The following ANKRD9 variants were observed in gnomAD, a reference collection of about 807,000 sequenced individuals.
ANKRD9 encodes ankyrin repeat domain-containing protein 9.
ANKRD9 carries 13 observed loss-of-function variants against 19.2 expected under a neutral mutation model. That is an observed-to-expected ratio of 0.68 (90% CI 0.44 to 1.08). The LOEUF is 1.08. Among genes scored for constraint, ANKRD9 ranks in the 50% least tolerant of loss-of-function variants. The pLI is 0.00. For missense variants in ANKRD9, 518 were observed against 499.9 expected, an observed-to-expected ratio of 1.04 and a Z score of -0.34; for synonymous variants, 278 against 256.8, an observed-to-expected ratio of 1.08 and a Z score of -0.79.
In ANKRD9 at chr14:102,507,320, G is replaced by A. The variant is rs1216155926; in HGVS notation, c.570C>T (p.Gly190=). 3 of 1,285,502 alleles carry A rather than the reference G, an allele frequency of 2.3e-6. No homozygotes were observed. Among genetic ancestry groups the A allele is most frequent in the South Asian group, 1.7e-5 (1 of 59,850 alleles). The allele number at this position is 1,285,502 out of a possible 1,614,324, so 79.6% of individuals were successfully genotyped here. A position where few individuals can be genotyped will look rare whatever the true frequency, so the allele number is the denominator to read the frequency against. ...GHGASPGLRD[G]GGLTPLELLL... Reference sequence around the variant, plus strand: ...GCAGCTCGAGAGGCGTGAGGCCGCCGCCGTCCCGCAGACCGGGCGAGGCGC... The same window carrying A: ...GCAGCTCGAGAGGCGTGAGGCCGCCACCGTCCCGCAGACCGGGCGAGGCGC... The change falls in exon 4 of 4, where the codon GGC becomes GGT. Residue 190 remains glycine (G), a synonymous_variant. Coordinates refer to ENST00000286918, the MANE Select transcript of ANKRD9 (RefSeq NM_152326.4). The surrounding 1 kb of genome is among the most constrained non-coding windows in gnomAD (Gnocchi z 9.2).
rs986698738 is a variant in ANKRD9, at chr14:102,509,576, G to T, written c.-382C>A. 4 of 146,534 alleles carry T rather than the reference G, an allele frequency of 2.7e-5. No individual in the cohort carries two copies. Among genetic ancestry groups the T allele is most frequent in the African/African-American group, 9.8e-5 (4 of 40,810 alleles). The allele number at this position is 146,534 out of a possible 1,614,324, so 9.1% of individuals were successfully genotyped here. The stretch of plus-strand genomic sequence containing the variant: ...GGCCGGGCGTCCCCGCCCCTGCCGC[G>T]GACCGGAGCGCGCGCTGTCCCCCGC... On this transcript the variant is annotated 5_prime_UTR_variant, in exon 1 of 4. Coordinates refer to ENST00000286918, the MANE Select transcript of ANKRD9 (RefSeq NM_152326.4).
rs746170044 is a variant in ANKRD9 at position 102,506,896 on chromosome 14, T to C, written c.*40A>G. On this transcript the variant is annotated 3_prime_UTR_variant, in exon 4 of 4. Transcript: ENST00000286918. ...AGTGCCGGTACAACGCTCTGAAAAA[T>C]AGTTTTGTCCCAAAATCCAGCGCCT... The C allele has an allele frequency of 4.8e-5, 68 of 1,424,336 alleles. No homozygotes were observed. Among genetic ancestry groups the C allele is most frequent in the Non-Finnish European group, 6.0e-5 (65 of 1,088,142 alleles). 88.2% of individuals were successfully genotyped at this position (1,424,336 alleles called of 1,614,324 possible). A position where few individuals can be genotyped will look rare whatever the true frequency, so the allele number is the denominator to read the frequency against.
rs923536753 is a variant in ANKRD9, at chr14:102,507,361, G to A, written c.529C>T (p.Leu177=). The A allele has an allele frequency of 6.0e-6, 8 of 1,332,576 alleles. No homozygotes were observed. The highest frequency in any genetic ancestry group is 1.6e-5 in the African/African-American group (1 of 62,872). 82.5% of individuals were successfully genotyped at this position (1,332,576 alleles called of 1,614,324 possible). ...CELARPECLF[L]LLGHGASPGL... is the part of the protein sequence containing the mutation. ...GGCGAGGCGCCGTGGCCCAGCAGCAGGAAGAGGCACTCGGGGCGCGCCAGC... is the reference window on the plus strand; with the variant it reads ...GGCGAGGCGCCGTGGCCCAGCAGCAAGAAGAGGCACTCGGGGCGCGCCAGC... Residue 177 remains leucine (L), a synonymous_variant, in exon 4 of 4, where the codon CTG becomes TTG. Coordinates refer to ENST00000286918, the MANE Select transcript of ANKRD9 (RefSeq NM_152326.4). This position sits in a 1 kb window ranked among gnomAD's most constrained non-coding sequence, Gnocchi z 9.2.
rs2139815996 is a variant in ANKRD9, at chr14:102,508,464, C to T, written c.-54+11G>A. 6.6e-6 allele frequency: 1 copy of T among 152,328 alleles called. No individual in the cohort carries two copies. Among genetic ancestry groups the T allele is most frequent in the African/African-American group, 2.4e-5 (1 of 41,542 alleles). The allele number at this position is 152,328 out of a possible 1,614,324, so 9.4% of individuals were successfully genotyped here. Reference sequence around the variant, plus strand: ...GGGCTGTTCAGAGGCATGATCCAGACTCAGACCTACCTGGTTCCTGCACCG... The same window carrying T: ...GGGCTGTTCAGAGGCATGATCCAGATTCAGACCTACCTGGTTCCTGCACCG... On this transcript the variant is annotated intron_variant, in intron 3 of 3. Transcript: ENST00000286918. The surrounding 1 kb of genome is among the most constrained non-coding windows in gnomAD (Gnocchi z 6.2).
chr14:102,507,047 G>A lies in ANKRD9; in HGVS notation c.843C>T (p.Arg281=), dbSNP rs771739319. The change falls in exon 4 of 4, where the codon CGC becomes CGT. Residue 281 remains arginine, a synonymous_variant. Coordinates refer to ENST00000286918, the MANE Select transcript of ANKRD9 (RefSeq NM_152326.4). This position sits in a 1 kb window ranked among gnomAD's most constrained non-coding sequence, Gnocchi z 9.2. ...AGLAPPSLFA[R]AMQVLVTAIS... The stretch of plus-strand genomic sequence containing the variant: ...TGGCGGTGACCAGCACCTGCATGGC[G>A]CGCGCGAAGAGCGAGGGCGGCGCCA... 4 of 1,575,536 alleles carry A rather than the reference G, an allele frequency of 2.5e-6. No homozygotes were observed. The highest frequency in any genetic ancestry group is 1.4e-5 in the African/African-American group (1 of 73,214).
At position 102,507,437 on chromosome 14, in the gene ANKRD9, A is replaced by T; in HGVS notation, c.453T>A (p.Arg151=). Residue 151 remains arginine, a synonymous_variant, in exon 4 of 4, where the codon CGT becomes CGA. Coordinates refer to ENST00000286918, the MANE Select transcript of ANKRD9 (RefSeq NM_152326.4). The surrounding 1 kb of genome is among the most constrained non-coding windows in gnomAD (Gnocchi z 9.2). The part of the protein sequence containing the change: ...AEERARVLDR[R]GCSRVEGGGT... ...CACCGCCCTCCACGCGGCTGCAGCCACGCCGGTCCAGCACGCGCGCCCGCT... is the reference window on the plus strand; with the variant it reads ...CACCGCCCTCCACGCGGCTGCAGCCTCGCCGGTCCAGCACGCGCGCCCGCT... 7.2e-7 allele frequency: 1 copy of T among 1,387,992 alleles called. No homozygotes were observed. Among genetic ancestry groups the T allele is most frequent in the Non-Finnish European group, 9.4e-7 (1 of 1,066,564 alleles). 86.0% of individuals were successfully genotyped at this position (1,387,992 alleles called of 1,614,324 possible). A position where few individuals can be genotyped will look rare whatever the true frequency, so the allele number is the denominator to read the frequency against.
Position 102,507,900 on chromosome 14 carries a change from G to T in ANKRD9, c.-11C>A. 1 of 1,108,782 alleles carries T rather than the reference G, an allele frequency of 9.0e-7. No individual in the cohort carries two copies. Among genetic ancestry groups the T allele is most frequent in the South Asian group, 4.3e-5 (1 of 23,392 alleles). 68.7% of individuals were successfully genotyped at this position (1,108,782 alleles called of 1,614,324 possible). A position where few individuals can be genotyped will look rare whatever the true frequency, so the allele number is the denominator to read the frequency against. ...CGCGTCCCACGGCATGCTGGCGGCGGGGCGTTCCTGGGCCTCAAGGCATGG... is the reference window on the plus strand; with the variant it reads ...CGCGTCCCACGGCATGCTGGCGGCGTGGCGTTCCTGGGCCTCAAGGCATGG... On this transcript the variant is annotated 5_prime_UTR_variant, in exon 4 of 4. Coordinates refer to ENST00000286918, the MANE Select transcript of ANKRD9 (RefSeq NM_152326.4). The surrounding 1 kb of genome is among the most constrained non-coding windows in gnomAD (Gnocchi z 9.2).
Position 102,508,053 on chromosome 14 carries a change from C to T in ANKRD9, c.-53-111G>A, listed in dbSNP as rs188884716. 1.5e-5 allele frequency: 11 copies of T among 742,466 alleles called. No individual in the cohort carries two copies. In the East Asian group the frequency reaches 9.3e-4, roughly 63 times the overall value. The allele number at this position is 742,466 out of a possible 1,614,324, so 46.0% of individuals were successfully genotyped here. A position where few individuals can be genotyped will look rare whatever the true frequency, so the allele number is the denominator to read the frequency against. ...CGGTCCTGGCCCACCAGGCCTGTAC[C>T]TACCTCCAGCCTCGGCCAGGCCCTT... On this transcript the variant is annotated intron_variant, in intron 3 of 3. Transcript: ENST00000286918. The surrounding 1 kb of genome is among the most constrained non-coding windows in gnomAD (Gnocchi z 6.2).
At position 102,509,688 on chromosome 14, in the gene ANKRD9, C is replaced by T. The variant is rs1285035765; in HGVS notation, c.-494G>A. On this transcript the variant is annotated 5_prime_UTR_variant, in exon 1 of 4. Transcript: ENST00000286918. ...GCCGCAGCCGCGCTCTGAGCCGCCG[C>T]GGCCGGATCGCAGGGCGGCGGTGCC... 1 of 145,534 alleles carries T rather than the reference C, an allele frequency of 6.9e-6. No individual in the cohort carries two copies. The highest frequency in any genetic ancestry group is 1.5e-5 in the Non-Finnish European group (1 of 65,650). The allele number at this position is 145,534 out of a possible 1,614,324, so 9.0% of individuals were successfully genotyped here.
rs1403467491 is a variant in ANKRD9 at position 102,507,577 on chromosome 14, C to G, written c.313G>C (p.Ala105Pro). 7 of 1,396,074 alleles carry G rather than the reference C, an allele frequency of 5.0e-6. No homozygotes were observed. Among genetic ancestry groups the G allele is most frequent in the Non-Finnish European group, 6.5e-6 (7 of 1,074,598 alleles). The allele number at this position is 1,396,074 out of a possible 1,614,324, so 86.5% of individuals were successfully genotyped here. A position where few individuals can be genotyped will look rare whatever the true frequency, so the allele number is the denominator to read the frequency against. Residue 105 changes from alanine (A) to proline (P), a missense_variant, in exon 4 of 4, where the codon GCC (alanine) becomes CCC (proline). Coordinates refer to ENST00000286918, the MANE Select transcript of ANKRD9 (RefSeq NM_152326.4). The surrounding 1 kb of genome is among the most constrained non-coding windows in gnomAD (Gnocchi z 9.2). ...FPRRALAPPSAGFRCCAAPGP... is the reference protein window; with the variant it reads ...FPRRALAPPSPGFRCCAAPGP... ...GGAGCCGCGCAGCAGCGGAAGCCGG[C>G]ACTGGGCGGTGCGAGCGCGCGCCGC...
intron 1 of ANKRD9, chr14:102,509,130 G>A (rs1891707386): frequency 6.6e-6 from 1 of 152,458 alleles, no homozygotes; most frequent in African/African-American, 2.4e-5. Flanking sequence ...GAGCGGCGCG[G>A]TGCGGGTAGG....
In ANKRD9 at chr14:102,508,509, A is replaced by G. The variant is rs1891684363; in HGVS notation, c.-88T>C. 6.6e-6 allele frequency: 1 copy of G among 152,018 alleles called. No homozygotes were observed. The highest frequency in any genetic ancestry group is 1.5e-5 in the Non-Finnish European group (1 of 68,058). 9.4% of individuals were successfully genotyped at this position (152,018 alleles called of 1,614,324 possible). Reference sequence around the variant, plus strand: ...GCACCGCGATCACCTAGTTCCGGGGATGTGGGTATATCACAGTCCCTGGCC... The same window carrying G: ...GCACCGCGATCACCTAGTTCCGGGGGTGTGGGTATATCACAGTCCCTGGCC... On this transcript the variant is annotated 5_prime_UTR_variant, in exon 3 of 4. Transcript: ENST00000286918. The surrounding 1 kb of genome is among the most constrained non-coding windows in gnomAD (Gnocchi z 6.2).
chr14:102,506,825 G>C lies in ANKRD9; in HGVS notation c.*111C>G. On this transcript the variant is annotated 3_prime_UTR_variant, in exon 4 of 4. Transcript: ENST00000286918. ...TCCAAGCCCAGCCCCCAGTGCATGCGACAGATGAGGCAGAGATTGTGCCGT... is the reference window on the plus strand; with the variant it reads ...TCCAAGCCCAGCCCCCAGTGCATGCCACAGATGAGGCAGAGATTGTGCCGT... 7.9e-6 allele frequency: 10 copies of C among 1,260,218 alleles called. No homozygotes were observed. Among genetic ancestry groups the C allele is most frequent in the Non-Finnish European group, 1.0e-5 (10 of 998,176 alleles). 78.1% of individuals were successfully genotyped at this position (1,260,218 alleles called of 1,614,324 possible). A position where few individuals can be genotyped will look rare whatever the true frequency, so the allele number is the denominator to read the frequency against.
rs1447215059 is a variant in ANKRD9, at chr14:102,506,934, G to C, written c.*2C>G. 6.6e-7 allele frequency: 1 copy of C among 1,507,180 alleles called. No homozygotes were observed. The highest frequency in any genetic ancestry group is 1.4e-5 in the African/African-American group (1 of 69,398). 93.4% of individuals were successfully genotyped at this position (1,507,180 alleles called of 1,614,324 possible). On this transcript the variant is annotated 3_prime_UTR_variant, in exon 4 of 4. Transcript: ENST00000286918. ...AAATCCAGCGCCTAGGGTGCTCCGGGCCTAGCCTTTGCCAGTGAGGTCCAA... is the reference window on the plus strand; with the variant it reads ...AAATCCAGCGCCTAGGGTGCTCCGGCCCTAGCCTTTGCCAGTGAGGTCCAA...
In ANKRD9 at chr14:102,507,595, C is replaced by G. The variant is rs1276968149; in HGVS notation, c.295G>C (p.Ala99Pro). ...AAGCCGGCACTGGGCGGTGCGAGCG[C>G]GCGCCGCGGGAACGTGGCCAGCAGG... Reference protein sequence around the residue: ...HYLLATFPRRALAPPSAGFRC... With the variant: ...HYLLATFPRRPLAPPSAGFRC... The change falls in exon 4 of 4, where the codon GCG becomes CCG. Residue 99 changes from alanine to proline, a missense_variant. Ala to Pro is a conservative substitution (Grantham distance 27). Transcript: ENST00000286918. This position sits in a 1 kb window ranked among gnomAD's most constrained non-coding sequence, Gnocchi z 9.2. 5 of 1,454,318 alleles carry G rather than the reference C, an allele frequency of 3.4e-6. No homozygotes were observed. The highest frequency in any genetic ancestry group is 1.8e-6 in the Non-Finnish European group (2 of 1,103,064). The allele number at this position is 1,454,318 out of a possible 1,614,324, so 90.1% of individuals were successfully genotyped here.
rs1236495653 is a variant in ANKRD9 at position 102,508,701 on chromosome 14, A to G, written c.-189T>C. On this transcript the variant is annotated 5_prime_UTR_variant, in exon 2 of 4. Coordinates refer to ENST00000286918, the MANE Select transcript of ANKRD9 (RefSeq NM_152326.4). This position sits in a 1 kb window ranked among gnomAD's most constrained non-coding sequence, Gnocchi z 6.2. ...CAACCTGGAGACCGGTGTGCACCGC[A>G]CTGCACAGTCTGCCATCCTCTTCAG... The G allele has an allele frequency of 6.6e-6, 1 of 152,172 alleles. No homozygotes were observed. The highest frequency in any genetic ancestry group is 1.5e-5 in the Non-Finnish European group (1 of 68,094). The allele number at this position is 152,172 out of a possible 1,614,324, so 9.4% of individuals were successfully genotyped here. A position where few individuals can be genotyped will look rare whatever the true frequency, so the allele number is the denominator to read the frequency against.
rs1171384580 is a variant in ANKRD9 at position 102,502,513 on chromosome 14, T to A, written c.*4423A>T. ...TCTAACTACTCTTTGTTATCAAGGCTGGTTGAGTCAAATATCACAAAGTAG... is the reference window on the plus strand; with the variant it reads ...TCTAACTACTCTTTGTTATCAAGGCAGGTTGAGTCAAATATCACAAAGTAG... On this transcript the variant is annotated 3_prime_UTR_variant, in exon 4 of 4. Coordinates refer to ENST00000286918, the MANE Select transcript of ANKRD9 (RefSeq NM_152326.4). The A allele has an allele frequency of 6.6e-6, 1 of 152,606 alleles. No individual in the cohort carries two copies. Among genetic ancestry groups the A allele is most frequent in the African/African-American group, 2.4e-5 (1 of 41,444 alleles). 9.5% of individuals were successfully genotyped at this position (152,606 alleles called of 1,614,324 possible). A position where few individuals can be genotyped will look rare whatever the true frequency, so the allele number is the denominator to read the frequency against.
rs1891675108 is a variant in ANKRD9 at position 102,508,126 on chromosome 14, C to T, written c.-53-184G>A. ...TCTCCGACGCCCAGAACCACCGCCT[C>T]CATCCTTGATCTAGCTGTACCTGTT... On this transcript the variant is annotated intron_variant, in intron 3 of 3. Coordinates refer to ENST00000286918, the MANE Select transcript of ANKRD9 (RefSeq NM_152326.4). The surrounding 1 kb of genome is among the most constrained non-coding windows in gnomAD (Gnocchi z 6.2). Among the ~76,000 whole-genome samples the T allele has an allele frequency of 6.6e-6, 1 of 152,142 alleles. No homozygotes were observed. The highest frequency in any genetic ancestry group is 2.4e-5 in the African/African-American group (1 of 41,418).
chr14:102,506,890 GA>G lies in ANKRD9; in HGVS notation c.*45del. On this transcript the variant is annotated 3_prime_UTR_variant, in exon 4 of 4. Coordinates refer to ENST00000286918, the MANE Select transcript of ANKRD9 (RefSeq NM_152326.4). ...ATATAAAGTGCCGGTACAACGCTCT[GA>G]AAAATAGTTTTGTCCCAAAATCCAG... is the stretch of plus-strand genomic sequence containing the variant. The G allele has an allele frequency of 7.0e-7, 1 of 1,420,664 alleles. No individual in the cohort carries two copies. 88.0% of individuals were successfully genotyped at this position (1,420,664 alleles called of 1,614,324 possible).
Sources: allele counts gnomAD v4.1 joint callset (sites outside exome capture counted in the v4.1 genomes callset), GRCh38; gene constraint gnomAD v4.1.1; non-coding constraint Gnocchi (gnomAD v3.1); transcripts MANE v1.5; gene names NCBI Gene and HGNC (gene_info 2026-07-23, HGNC 2026-07-21).